Variants in ATP8A2 observed in about 807,000 individuals in gnomAD.
ATP8A2 encodes ATPase phospholipid transporting 8A2, also known as phospholipid-transporting ATPase IB.
ATP8A2 carries 100 observed loss-of-function variants against 165.6 expected under a neutral mutation model. The ratio of observed to expected loss-of-function variants is 0.60; its 90% CI spans 0.51 to 0.71. The LOEUF (loss-of-function observed/expected upper bound fraction) is 0.71. Among genes scored for constraint, ATP8A2 ranks in the 30% least tolerant of loss-of-function variants. The probability of loss-of-function intolerance (pLI) is 0.00; values close to 1 mark genes in which losing one functional copy is unlikely to be tolerated. For missense variants in ATP8A2, 1,227 were observed against 1,479.5 expected (o/e 0.83, Z 2.80); for synonymous variants, 543 against 548.8 (o/e 0.99, Z 0.15).
chr13:25,940,405 C>G (rs1566287208), intron 33 of ATP8A2, among the ~76,000 whole-genome samples: 1 of 152,192 alleles, frequency 6.6e-6, no homozygotes, highest in East Asian at 1.9e-4. Context: ...CCCTGCACCA[C>G]TTTCCCTCTT....
rs1358152431 is a variant in ATP8A2, at chr13:25,742,678, TG to T, written c.2385-26367del. On this transcript the variant is annotated intron_variant, in intron 25 of 36. Coordinates refer to ENST00000381655, the MANE Select transcript of ATP8A2 (RefSeq NM_016529.6). Reference sequence around the variant, plus strand: ...TTTTCTCTCTCTCTCTCTCTCTCTCTGTCTTTTTTTTTTTTTTTTATGGTAA... The same window carrying T: ...TTTTCTCTCTCTCTCTCTCTCTCTCTTCTTTTTTTTTTTTTTTTATGGTAA... 8.5e-3 allele frequency among the ~76,000 whole-genome samples: 813 copies of T among 95,958 alleles called. 6 individuals carry two copies. The highest frequency in any genetic ancestry group is 0.027 in the African/African-American group (727 of 26,538). 63.0% of individuals were successfully genotyped at this position (95,958 alleles called of 152,430 possible).
At chr13:25,534,202 G>T (rs750417297) in intron 6 of ATP8A2, 5 of 532,740 alleles carry the variant, frequency 9.4e-6, no homozygotes, top group African/African-American at 5.8e-5. Flanking sequence ...ACCCTTTAAA[G>T]AAATTTCTCC....
At chr13:25,705,368 G>A (rs527400852) in intron 25 of ATP8A2, 17 of 173,570 alleles carry the variant, frequency 9.8e-5, no homozygotes, top group South Asian at 7.0e-4. Flanking sequence ...CATGGGGGCC[G>A]CTGGGCACTG....
At chr13:25,998,944 A>T (rs754899156) in intron 35 of ATP8A2, among the ~76,000 whole-genome samples, 19 of 152,198 alleles carry the variant, frequency 1.2e-4, no homozygotes, top group Non-Finnish European at 2.1e-4. Context: ...CAATGTCCAT[A>T]TTCTGGCATT....
At position 25,828,104 on chromosome 13, in the gene ATP8A2, T is replaced by A; in HGVS notation, c.2680-14T>A. ...ATATTGATATAAAACTTCATGAGCT[T>A]TCTTCTCTTTCAGCTTTGGTTCGCC... On this transcript the variant is annotated splice_polypyrimidine_tract_variant and intron_variant, in intron 27 of 36. Coordinates refer to ENST00000381655, the MANE Select transcript of ATP8A2 (RefSeq NM_016529.6). 2 of 1,610,286 alleles carry A rather than the reference T, an allele frequency of 1.2e-6. No individual in the cohort carries two copies. Among genetic ancestry groups the A allele is most frequent in the Non-Finnish European group, 1.7e-6 (2 of 1,176,502 alleles).
At chr13:25,583,748 ATGAGGCTGCTC>A (rs1362906341) in intron 23 of ATP8A2, among the ~76,000 whole-genome samples, 1 of 152,236 alleles carries the variant, frequency 6.6e-6, no homozygotes, top group South Asian at 2.1e-4. Flanking sequence ...CTTGTATGTG[ATGAGGCTGCTC>A]TGAGCCTTAT....
chr13:25,373,897 C>T (rs2032520054), intron 1 of ATP8A2, among the ~76,000 whole-genome samples: 1 of 152,176 alleles, frequency 6.6e-6, no homozygotes, highest in African/African-American at 2.4e-5. Flanking sequence ...TGCCCTGCAG[C>T]TGCTCAGAGT....
chr13:25,562,425 C>T (rs1439213569), intron 15 of ATP8A2, among the ~76,000 whole-genome samples: 1 of 152,104 alleles, frequency 6.6e-6, no homozygotes. Context: ...ACACAAGAAA[C>T]CTGACTGCTA....
In ATP8A2 at chr13:25,372,982, C is replaced by G. The variant is rs1242481118; in HGVS notation, c.76+694C>G. Among the ~76,000 whole-genome samples, 1 of 152,182 alleles carries G rather than the reference C, an allele frequency of 6.6e-6. No individual in the cohort carries two copies. The highest frequency in any genetic ancestry group is 2.4e-5 in the African/African-American group (1 of 41,426). On this transcript the variant is annotated intron_variant, in intron 1 of 36. Coordinates refer to ENST00000381655, the MANE Select transcript of ATP8A2 (RefSeq NM_016529.6). The surrounding 1 kb of genome is among the most constrained non-coding windows in gnomAD (Gnocchi z 4.8). ...GGAACTCGAAACCTAAAGCCAAACA[C>G]GCATGTACCATACCCGACCACTCAC...
intron 2 of ATP8A2, among the ~76,000 whole-genome samples, chr13:25,497,731 C>A (rs376512293): frequency 6.6e-6 from 1 of 151,862 alleles, no homozygotes; most frequent in Non-Finnish European, 1.5e-5. Flanking sequence ...CCGAGGCAGG[C>A]GGATCATGAG....
intron 33 of ATP8A2, among the ~76,000 whole-genome samples, chr13:25,866,164 G>A (rs2138783322): frequency 6.6e-6 from 1 of 152,270 alleles, no homozygotes; most frequent in Middle Eastern, 3.4e-3. Flanking sequence ...CTTTAGTAGT[G>A]CTGGAGGGAA....
chr13:25,542,155 A>G, intron 9 of ATP8A2, 109 bp downstream of exon 9: 2 of 1,159,398 alleles, frequency 1.7e-6, no homozygotes, highest in Non-Finnish European at 2.4e-6. Context: ...AAACAGTGAG[A>G]TTTCATACCC....
chr13:25,409,231 A>G (rs143247511), intron 1 of ATP8A2, among the ~76,000 whole-genome samples: 1 of 152,252 alleles, frequency 6.6e-6, no homozygotes, highest in East Asian at 1.9e-4. Flanking sequence ...AATAATGTCT[A>G]TTGTGTCTAT....
intron 35 of ATP8A2, among the ~76,000 whole-genome samples, chr13:26,003,021 C>G (rs1176793940): frequency 6.6e-6 from 1 of 151,952 alleles, no homozygotes; most frequent in Non-Finnish European, 1.5e-5. Context: ...ATACTGATTT[C>G]CACTCCTTTG....
At chr13:25,708,161 G>A (rs1227594142) in intron 25 of ATP8A2, among the ~76,000 whole-genome samples, 1 of 152,154 alleles carries the variant, frequency 6.6e-6, no homozygotes, top group Non-Finnish European at 1.5e-5. Context: ...AAATTCTGAA[G>A]TAGAAGCTCA....
chr13:25,782,809 G>C (rs557983788), intron 27 of ATP8A2, among the ~76,000 whole-genome samples: 6 of 152,052 alleles, frequency 3.9e-5, no homozygotes, highest in Non-Finnish European at 7.4e-5. Flanking sequence ...GCGTGATCTC[G>C]ACTCACTGCA....
intron 24 of ATP8A2, among the ~76,000 whole-genome samples, chr13:25,683,702 T>A (rs115909625): frequency 0.016 from 2,380 of 152,116 alleles, 63 homozygotes; most frequent in African/African-American, 0.053. Flanking sequence ...TTTTTTTTTT[T>A]TTATTATGAG....
intron 2 of ATP8A2, among the ~76,000 whole-genome samples, chr13:25,480,634 G>T (rs1173865041): frequency 6.6e-6 from 1 of 151,576 alleles, no homozygotes; most frequent in African/African-American, 2.4e-5. Flanking sequence ...TTCCTAGATG[G>T]GATGGCGGCC....
chr13:25,883,733 C>T (rs1953052069), intron 33 of ATP8A2, among the ~76,000 whole-genome samples: 1 of 152,198 alleles, frequency 6.6e-6, no homozygotes, highest in Admixed American at 6.5e-5. Context: ...AAGACCTCCC[C>T]TATCAGCCAC....
Sources: allele counts gnomAD v4.1 joint callset (sites outside exome capture counted in the v4.1 genomes callset), GRCh38; gene constraint gnomAD v4.1.1; non-coding constraint Gnocchi (gnomAD v3.1); transcripts MANE v1.5; gene names NCBI Gene and HGNC (gene_info 2026-07-23, HGNC 2026-07-21).